DIS3L2: variants seen among roughly 807,000 people sequenced by gnomAD.
DIS3L2 encodes DIS3-like exonuclease 2.
A neutral mutation model predicts 97.5 loss-of-function variants in DIS3L2; 34 were observed. The observed-to-expected ratio is 0.35, with a 90% confidence interval of 0.27 to 0.46. The LOEUF is 0.46. DIS3L2 is among the 20% of genes least tolerant of loss of function. The pLI, the probability that DIS3L2 is intolerant of heterozygous loss-of-function variation, is 1.00. For synonymous variants in DIS3L2, 435 were observed against 445.2 expected (o/e 0.98, Z 0.29); for missense variants, 1,038 against 1,146.0 (o/e 0.91, Z 1.36).
chr2:232,084,838 T>A (rs1696525573), intron 5 of DIS3L2, among the ~76,000 whole-genome samples: 1 of 152,034 alleles, frequency 6.6e-6, no homozygotes, highest in African/African-American at 2.4e-5. Flanking sequence ...TTTCTATTAC[T>A]ATATTTTTAT....
chr2:232,014,729 G>A (rs1694304751), intron 1 of DIS3L2, 106 bp from the exon 2 acceptor site: 3 of 509,568 alleles, frequency 5.9e-6, no homozygotes. Context: ...CCAGAACCCA[G>A]GAGGGGCACC....
chr2:232,120,222 T>G (rs1230228192), intron 6 of DIS3L2, among the ~76,000 whole-genome samples: 1 of 152,168 alleles, frequency 6.6e-6, no homozygotes, highest in African/African-American at 2.4e-5. Context: ...GCATAACTCT[T>G]AGGAATCATG....
chr2:231,980,487 A>T (rs1403339584), intron 1 of DIS3L2, among the ~76,000 whole-genome samples: 3 of 152,068 alleles, frequency 2.0e-5, no homozygotes, highest in Non-Finnish European at 4.4e-5. Context: ...TAATGAGGTC[A>T]GGAGTTTGAG....
intron 10 of DIS3L2, among the ~76,000 whole-genome samples, chr2:232,229,487 G>A (rs1692735287): frequency 6.6e-6 from 1 of 152,208 alleles, no homozygotes; most frequent in African/African-American, 2.4e-5. Context: ...TTGACCGGCT[G>A]ACCTGGGCTT....
intron 14 of DIS3L2, among the ~76,000 whole-genome samples, chr2:232,320,201 C>G (rs1695388822): frequency 6.6e-6 from 1 of 151,554 alleles, no homozygotes; most frequent in African/African-American, 2.4e-5. Context: ...GGGACACATT[C>G]ATTGAAACCG....
At chr2:232,299,982 A>G (rs1694814338) in intron 13 of DIS3L2, 58 bp from the exon 14 acceptor site, 2 of 1,506,118 alleles carry the variant, frequency 1.3e-6, no homozygotes, top group Non-Finnish European at 1.8e-6. Flanking sequence ...CATTTCAGCT[A>G]TTGGAATGAA....
chr2:232,112,097 A>G (rs929558542), intron 6 of DIS3L2, among the ~76,000 whole-genome samples: 3 of 152,212 alleles, frequency 2.0e-5, no homozygotes, highest in African/African-American at 7.2e-5. Context: ...TTCATGTTTT[A>G]TATAAGGCTT....
intron 5 of DIS3L2, among the ~76,000 whole-genome samples, chr2:232,086,220 C>T (rs1037260225): frequency 9.3e-5 from 14 of 151,102 alleles, no homozygotes; most frequent in Non-Finnish European, 1.8e-4. Context: ...TATATACACA[C>T]GTATAGACGT....
chr2:232,173,169 G>T (rs529029814), intron 9 of DIS3L2, among the ~76,000 whole-genome samples: 1 of 152,266 alleles, frequency 6.6e-6, no homozygotes, highest in South Asian at 2.1e-4. Context: ...TTCTTTGGTT[G>T]CTTGTGTTTT....
At chr2:232,336,309 G>C in intron 20 of DIS3L2, 160 bp from the exon 21 acceptor site, 1 of 1,547,350 alleles carries the variant, frequency 6.5e-7, no homozygotes, top group Non-Finnish European at 8.7e-7. Flanking sequence ...CCCTGACCCA[G>C]GGCATTCTTC....
intron 6 of DIS3L2, among the ~76,000 whole-genome samples, chr2:232,123,993 G>A (rs1459151799): frequency 1.3e-5 from 2 of 152,124 alleles, no homozygotes; most frequent in African/African-American, 4.8e-5. Context: ...TCTTTCAAAA[G>A]AAAGGTTTCT....
chr2:232,084,002 A>G (rs1696495895), intron 5 of DIS3L2, among the ~76,000 whole-genome samples: 2 of 152,200 alleles, frequency 1.3e-5, no homozygotes, highest in East Asian at 1.9e-4. Context: ...GGCTGCTCTG[A>G]CAGTACCCAA....
intron 1 of DIS3L2, among the ~76,000 whole-genome samples, chr2:231,987,382 G>A (rs1693447880): frequency 1.3e-5 from 2 of 152,230 alleles, no homozygotes; most frequent in African/African-American, 4.8e-5. Context: ...GTTTCCGTGG[G>A]AATCATAACA....
chr2:232,188,862 A>G (rs1056317065), intron 9 of DIS3L2, among the ~76,000 whole-genome samples: 17 of 152,242 alleles, frequency 1.1e-4, no homozygotes, highest in African/African-American at 3.9e-4. Context: ...ACTAGTATCT[A>G]GAGTACGTAA....
chr2:232,324,144 A>G (rs1305162782), intron 14 of DIS3L2, among the ~76,000 whole-genome samples: 3 of 152,202 alleles, frequency 2.0e-5, no homozygotes. Flanking sequence ...GCCATGGAGA[A>G]GAGGCCATGG....
At chr2:232,307,714 C>A (rs980454694) in intron 14 of DIS3L2, 1 of 152,074 alleles carries the variant, frequency 6.6e-6, no homozygotes, top group Non-Finnish European at 1.5e-5. Flanking sequence ...AGGGGCTTAC[C>A]CAGGTTAGTT....
intron 1 of DIS3L2, among the ~76,000 whole-genome samples, chr2:231,966,450 G>A (rs1306327086): frequency 6.6e-6 from 1 of 150,742 alleles, no homozygotes; most frequent in Non-Finnish European, 1.5e-5. Flanking sequence ...GATTACAGAC[G>A]TGAGCCACTG....
chr2:231,996,629 G>A (rs1693739935), intron 1 of DIS3L2, among the ~76,000 whole-genome samples: 1 of 152,104 alleles, frequency 6.6e-6, no homozygotes, highest in African/African-American at 2.4e-5. Context: ...CATTTGCCGT[G>A]TTTATCTTTC....
chr2:232,160,644 G>A (rs1251401538), intron 8 of DIS3L2, among the ~76,000 whole-genome samples: 1 of 152,130 alleles, frequency 6.6e-6, no homozygotes, highest in Non-Finnish European at 1.5e-5. Context: ...GGGAGGCCGA[G>A]GTGGGCAGAT....
Sources: gnomAD v4.1 joint callset for allele counts (sites outside exome capture counted in the v4.1 genomes callset) on GRCh38, gnomAD v4.1.1 for gene constraint, MANE v1.5 for transcripts, NCBI Gene and HGNC (gene_info 2026-07-23, HGNC 2026-07-21) for gene names.